The following POU6F2 variants were observed in gnomAD, a reference collection of about 807,000 sequenced individuals.
POU6F2 encodes the protein POU class 6 homeobox 2, also known as POU domain, class 6, transcription factor 2.
Under a neutral mutation model 71.3 loss-of-function variants are expected in POU6F2, and 31 were observed. The ratio of observed to expected loss-of-function variants is 0.43; its 90% CI spans 0.33 to 0.59. POU6F2 has a LOEUF of 0.59. Among genes scored for constraint, POU6F2 ranks in the 20% least tolerant of loss-of-function variants. The pLI, the probability that POU6F2 is intolerant of heterozygous loss-of-function variation, is 0.04. For missense variants in POU6F2, 783 were observed against 856.8 expected (o/e 0.91, Z 1.07); for synonymous variants, 347 against 355.7 (o/e 0.98, Z 0.27).
chr7:39,050,883 G>T (rs1416956453), intron 1 of POU6F2, among the ~76,000 whole-genome samples: 2 of 152,156 alleles, frequency 1.3e-5, no homozygotes, highest in African/African-American at 4.8e-5. Context: ...TCAGTTTGCT[G>T]TAAGTGTTTG....
In POU6F2 at chr7:39,207,529, A is replaced by G. The variant is rs775727811; in HGVS notation, c.507A>G (p.Thr169=). 6 of 1,613,906 alleles carry G rather than the reference A, an allele frequency of 3.7e-6. No homozygotes were observed. The African/African-American group carries it at 4.0e-5, about 11-fold the overall frequency. The change falls in exon 4 of 10, where the codon ACA becomes ACG. Residue 169 remains threonine (T), a synonymous_variant. Transcript: ENST00000518318. ...GAGGCCAGCAAGGACTGGTTCTCAC[A>G]CTGCCAACAGCGAATCTCACCAACA... ...QLGGQQGLVL[T]LPTANLTNIQ...
chr7:39,287,248 A>G (rs1031347041), intron 4 of POU6F2, among the ~76,000 whole-genome samples: 10 of 152,218 alleles, frequency 6.6e-5, no homozygotes, highest in African/African-American at 2.2e-4. Context: ...GAATAACTGA[A>G]GAAAATGATA....
intron 4 of POU6F2, among the ~76,000 whole-genome samples, chr7:39,262,645 TC>T (rs1784158943): frequency 6.6e-6 from 1 of 152,220 alleles, no homozygotes; most frequent in Admixed American, 6.5e-5. Flanking sequence ...AAAGTTATTA[TC>T]TTCAAAATGA....
chr7:39,308,896 T>C (rs946625103), intron 4 of POU6F2, among the ~76,000 whole-genome samples: 4 of 152,176 alleles, frequency 2.6e-5, no homozygotes, highest in African/African-American at 7.2e-5. Context: ...CCTACCCACT[T>C]TTCACGTCAG....
At chr7:39,374,001 C>T (rs1409015338) in intron 5 of POU6F2, among the ~76,000 whole-genome samples, 2 of 152,122 alleles carry the variant, frequency 1.3e-5, no homozygotes, top group Non-Finnish European at 2.9e-5. Flanking sequence ...AATATCACTT[C>T]TTATTGATCA....
intron 5 of POU6F2, among the ~76,000 whole-genome samples, chr7:39,376,634 GC>G (rs1786715376): frequency 6.6e-6 from 1 of 152,116 alleles, no homozygotes; most frequent in South Asian, 2.1e-4. Flanking sequence ...GGCCACATAT[GC>G]CCAGTAAGTA....
At chr7:39,339,492 C>A in intron 4 of POU6F2, 150 bp from the exon 5 acceptor site, 1 of 1,222,554 alleles carries the variant, frequency 8.2e-7, no homozygotes, top group Non-Finnish European at 1.1e-6. Context: ...CAGTGCCTCA[C>A]AACACTCTTA....
chr7:39,231,231 A>C (rs778290024), intron 4 of POU6F2, among the ~76,000 whole-genome samples: 20 of 152,214 alleles, frequency 1.3e-4, no homozygotes, highest in Non-Finnish European at 2.8e-4. Flanking sequence ...CTGGCTAGAA[A>C]TTGTGATAAG....
At chr7:39,153,018 C>G (rs975222244) in intron 2 of POU6F2, among the ~76,000 whole-genome samples, 5 of 152,154 alleles carry the variant, frequency 3.3e-5, no homozygotes, top group African/African-American at 1.2e-4. Context: ...CTCGCTTACG[C>G]TTACTCAAGT....
chr7:39,306,768 G>A (rs564430016), intron 4 of POU6F2, among the ~76,000 whole-genome samples: 4 of 152,164 alleles, frequency 2.6e-5, no homozygotes, highest in East Asian at 3.8e-4. Flanking sequence ...ATTTGCATAC[G>A]CTTTCAGCAT....
At chr7:39,222,725 G>A (rs948551749) in intron 4 of POU6F2, among the ~76,000 whole-genome samples, 3 of 152,272 alleles carry the variant, frequency 2.0e-5, no homozygotes, top group Middle Eastern at 3.4e-3. Context: ...TCATGTTGTA[G>A]CATATGTCAG....
chr7:39,333,825 G>T (rs763049394), intron 4 of POU6F2, among the ~76,000 whole-genome samples: 3 of 152,108 alleles, frequency 2.0e-5, no homozygotes, highest in Non-Finnish European at 4.4e-5. Flanking sequence ...GGGAAAAGTC[G>T]CACCCTCCCC....
intron 4 of POU6F2, among the ~76,000 whole-genome samples, chr7:39,333,885 TC>T (rs1306602041): frequency 6.6e-6 from 1 of 152,152 alleles, no homozygotes; most frequent in Non-Finnish European, 1.5e-5. Flanking sequence ...GGGTAATGGT[TC>T]CCAATCCCCT....
At chr7:39,416,109 C>G (rs1450894218) in intron 6 of POU6F2, among the ~76,000 whole-genome samples, 2 of 151,208 alleles carry the variant, frequency 1.3e-5, no homozygotes, top group Non-Finnish European at 3.0e-5. Context: ...CACACACACA[C>G]ACACACACAC....
At chr7:39,013,372 C>G (rs955412954) in intron 1 of POU6F2, 2 of 152,484 alleles carry the variant, frequency 1.3e-5, no homozygotes, top group Non-Finnish European at 2.9e-5. Context: ...GGCAATGCCT[C>G]GCCCTGCTTC....
At chr7:39,152,517 A>G (rs893365900) in intron 2 of POU6F2, among the ~76,000 whole-genome samples, 4 of 152,106 alleles carry the variant, frequency 2.6e-5, no homozygotes, top group Admixed American at 1.3e-4. Context: ...AAGGTGGCAA[A>G]TGGGCAAAGC....
chr7:39,003,935 A>G (rs1441732077), intron 1 of POU6F2, among the ~76,000 whole-genome samples: 1 of 152,216 alleles, frequency 6.6e-6, no homozygotes, highest in East Asian at 1.9e-4. Flanking sequence ...AAAAAAGACC[A>G]TAAAGAAATA....
intron 1 of POU6F2, among the ~76,000 whole-genome samples, chr7:39,028,874 C>G (rs115316494): frequency 0.011 from 1,611 of 152,188 alleles, 31 homozygotes; most frequent in African/African-American, 0.036. Flanking sequence ...GGCACAATCA[C>G]AATTCATTGC....
At chr7:39,078,140 A>C (rs187633411) in intron 1 of POU6F2, among the ~76,000 whole-genome samples, 1 of 152,326 alleles carries the variant, frequency 6.6e-6, no homozygotes, top group African/African-American at 2.4e-5. Context: ...GAGCTGCCAC[A>C]CATTCAGATA....
Sources: gnomAD v4.1 joint callset for allele counts (sites outside exome capture counted in the v4.1 genomes callset) on GRCh38, gnomAD v4.1.1 for gene constraint, MANE v1.5 for transcripts, NCBI Gene and HGNC (gene_info 2026-07-23, HGNC 2026-07-21) for gene names.